TSC22D2: variants seen among roughly 807,000 people sequenced by gnomAD.
The protein encoded by TSC22D2 is TSC22 domain family protein 2.
In TSC22D2, 5 loss-of-function variants were observed where a neutral mutation model predicts 50.1. That is an observed-to-expected ratio of 0.10 (90% CI 0.05 to 0.21). The LOEUF (loss-of-function observed/expected upper bound fraction) is 0.21, where lower values mean the gene tolerates loss of function less well. TSC22D2 is among the 10% of genes least tolerant of loss of function. The pLI is 1.00. For synonymous variants in TSC22D2, 501 were observed against 450.1 expected (o/e 1.11, Z -1.43); for missense variants, 1,003 against 1,015.5 (o/e 0.99, Z 0.17).
chr3:150,447,671 C>G (rs1415351971), intron 1 of TSC22D2, among the ~76,000 whole-genome samples: 2 of 152,110 alleles, frequency 1.3e-5, no homozygotes, highest in African/African-American at 4.8e-5. Flanking sequence ...GAATAAAGCC[C>G]CAGGCATCCT....
In TSC22D2 at chr3:150,461,844, C is replaced by T. The variant is rs1721423816; in HGVS notation, c.*3208C>T. 1 of 98,926 alleles carries T rather than the reference C, an allele frequency of 1.0e-5. No individual in the cohort carries two copies. Among genetic ancestry groups the T allele is most frequent in the Admixed American group, 9.1e-5 (1 of 10,932 alleles). The allele number at this position is 98,926 out of a possible 1,614,324, so 6.1% of individuals were successfully genotyped here. ...GTTGCAAACTCCAGTAATTCATGGA[C>T]CTTTTTTTAAAAAAAAAAAAAGTCT... On this transcript the variant is annotated 3_prime_UTR_variant, in exon 3 of 3. Coordinates refer to ENST00000688009, the MANE Select transcript of TSC22D2 (RefSeq NM_001303264.2).
In TSC22D2 at chr3:150,459,774, A is replaced by AGAAC. The variant is rs1163242950; in HGVS notation, c.*1143_*1146dup. 1 of 151,598 alleles carries AGAAC rather than the reference A, an allele frequency of 6.6e-6. No individual in the cohort carries two copies. The highest frequency in any genetic ancestry group is 2.4e-5 in the African/African-American group (1 of 41,208). The allele number at this position is 151,598 out of a possible 1,614,324, so 9.4% of individuals were successfully genotyped here. A position where few individuals can be genotyped will look rare whatever the true frequency, so the allele number is the denominator to read the frequency against. On this transcript the variant is annotated 3_prime_UTR_variant, in exon 3 of 3. Transcript: ENST00000688009. Reference sequence around the variant, plus strand: ...GTCTGTGAACAATGTCAAATAAAAGAGAACGAACAGGTAGTTTGGTGGAGC... The same window carrying AGAAC: ...GTCTGTGAACAATGTCAAATAAAAGAGAACGAACGAACAGGTAGTTTGGTGGAGC...
chr3:150,410,345 C>G lies in TSC22D2; in HGVS notation c.995C>G (p.Ala332Gly). 6.3e-7 allele frequency: 1 copy of G among 1,592,018 alleles called. No individual in the cohort carries two copies. The highest frequency in any genetic ancestry group is 2.3e-5 in the East Asian group (1 of 44,154). The change falls in exon 1 of 3, where the codon GCG (alanine) becomes GGG (glycine). Residue 332 changes from alanine (A) to glycine (G), a missense_variant. This residue lies in a region of TSC22D2 where 696 missense variants were observed against 647.8 expected (regional missense o/e 1.07). Transcript: ENST00000688009. ...QTLPPTNVTL[A>G]QPAMSLPPQP... ...CTGCCGCCGACGAATGTAACCCTGG[C>G]GCAGCCGGCTATGTCCCTGCCTCCG...
intron 1 of TSC22D2, among the ~76,000 whole-genome samples, chr3:150,427,986 A>G (rs1720247476): frequency 6.6e-6 from 1 of 152,174 alleles, no homozygotes; most frequent in Non-Finnish European, 1.5e-5. Context: ...CATTGATAGA[A>G]TACTATTAAC....
chr3:150,417,017 G>T (rs1404330764), intron 1 of TSC22D2, among the ~76,000 whole-genome samples: 3 of 152,108 alleles, frequency 2.0e-5, no homozygotes, highest in Non-Finnish European at 4.4e-5. Context: ...GTTAGTGAAA[G>T]TTCTGCAGGT....
intron 1 of TSC22D2, among the ~76,000 whole-genome samples, chr3:150,451,990 A>G (rs1470089145): frequency 6.6e-6 from 1 of 152,094 alleles, no homozygotes; most frequent in Admixed American, 6.6e-5. Flanking sequence ...CTGAGTAACT[A>G]GGACCGTGGG....
At chr3:150,438,212 T>C in intron 1 of TSC22D2, 1 of 424,242 alleles carries the variant, frequency 2.4e-6, no homozygotes, top group East Asian at 7.1e-5. Flanking sequence ...TTTTTTAGAA[T>C]TCAGCATCGG....
At chr3:150,455,156 A>T (rs1193814764) in intron 1 of TSC22D2, among the ~76,000 whole-genome samples, 1 of 152,210 alleles carries the variant, frequency 6.6e-6, no homozygotes, top group Admixed American at 6.5e-5. Flanking sequence ...AGAAAGTATA[A>T]TCTGGGATTC....
At chr3:150,445,038 C>CT (rs933488534) in intron 1 of TSC22D2, among the ~76,000 whole-genome samples, 3 of 151,888 alleles carry the variant, frequency 2.0e-5, no homozygotes, top group African/African-American at 7.3e-5. Context: ...TTTAAATACT[C>CT]TTTTTGGAAA....
At chr3:150,450,549 G>C (rs6792734) in intron 1 of TSC22D2, among the ~76,000 whole-genome samples, 61,931 of 151,502 alleles carry the variant, frequency 0.41, 12,758 homozygotes, top group Middle Eastern at 0.54. Context: ...TGAGTTCTTA[G>C]TTTAATTTAT....
rs1042877561 is a variant in TSC22D2 at position 150,463,839 on chromosome 3, A to T, written c.*5203A>T. On this transcript the variant is annotated 3_prime_UTR_variant, in exon 3 of 3. Transcript: ENST00000688009. ...CTGGTATTTTGCACTGGCGCAGTCCATTTAGTTGTTGAATTTGTTCAGCAT... is the reference window on the plus strand; with the variant it reads ...CTGGTATTTTGCACTGGCGCAGTCCTTTTAGTTGTTGAATTTGTTCAGCAT... 6.6e-6 allele frequency: 1 copy of T among 152,180 alleles called. No homozygotes were observed. The highest frequency in any genetic ancestry group is 2.4e-5 in the African/African-American group (1 of 41,450). 9.4% of individuals were successfully genotyped at this position (152,180 alleles called of 1,614,324 possible).
chr3:150,450,592 T>C (rs922587734), intron 1 of TSC22D2, among the ~76,000 whole-genome samples: 24 of 152,150 alleles, frequency 1.6e-4, no homozygotes, highest in Non-Finnish European at 2.9e-4. Context: ...TTCTTAACCA[T>C]AGAGGTTTGC....
intron 1 of TSC22D2, among the ~76,000 whole-genome samples, chr3:150,451,775 T>C (rs1425598178): frequency 6.6e-6 from 1 of 152,210 alleles, no homozygotes; most frequent in Non-Finnish European, 1.5e-5. Context: ...TAGACAACCA[T>C]TAAGTGTTCT....
intron 1 of TSC22D2, chr3:150,423,013 T>C: frequency 6.4e-7 from 1 of 1,552,862 alleles, no homozygotes; most frequent in Non-Finnish European, 8.9e-7. Context: ...CTGTACGTTC[T>C]CAACCTCATT....
chr3:150,412,217 T>G (rs955464426), intron 1 of TSC22D2, among the ~76,000 whole-genome samples: 7 of 152,184 alleles, frequency 4.6e-5, no homozygotes, highest in Non-Finnish European at 8.8e-5. Flanking sequence ...ACATGTAAAT[T>G]TGACATACAT....
At position 150,410,668 on chromosome 3, in the gene TSC22D2, C is replaced by T. The variant is rs1417099599; in HGVS notation, c.1318C>T (p.Arg440Trp). Reference sequence around the variant, plus strand: ...CCAGCCCAGCGAAGCCATGGCCCCCCGGACGGGACCAGCGCAAGGCGGGCA... The same window carrying T: ...CCAGCCCAGCGAAGCCATGGCCCCCTGGACGGGACCAGCGCAAGGCGGGCA... ...SSQPSEAMAP[R>W]TGPAQGGQVA... is the part of the protein sequence containing the mutation. The change falls in exon 1 of 3, where the codon CGG becomes TGG. Residue 440 changes from arginine (R) to tryptophan (W), a missense_variant. Transcript: ENST00000688009. 6.4e-7 allele frequency: 1 copy of T among 1,555,952 alleles called. No homozygotes were observed. Among genetic ancestry groups the T allele is most frequent in the East Asian group, 2.4e-5 (1 of 41,504 alleles).
rs1285395276 is a variant in TSC22D2, at chr3:150,409,821, A to G, written c.471A>G (p.Thr157=). ...CAGCCCCATCTCAGCCTCCCACCAC[A>G]TGTAGTTCCCGTTTTCGCGTGATCA... ...VTAAPSQPPT[T]CSSRFRVIKL... Residue 157 remains threonine (T), a synonymous_variant, in exon 1 of 3, where the codon ACA becomes ACG. Transcript: ENST00000688009. This position sits in a 1 kb window ranked among gnomAD's most constrained non-coding sequence, Gnocchi z 7.4. 6.2e-7 allele frequency: 1 copy of G among 1,605,112 alleles called. No homozygotes were observed. Among genetic ancestry groups the G allele is most frequent in the African/African-American group, 1.3e-5 (1 of 74,910 alleles).
chr3:150,409,600 G>C lies in TSC22D2; in HGVS notation c.250G>C (p.Val84Leu). The change falls in exon 1 of 3, where the codon GTC becomes CTC. Residue 84 changes from valine to leucine, a missense_variant. Physicochemically the swap from Val to Leu is conservative, Grantham distance 32 (BLOSUM62 1). Coordinates refer to ENST00000688009, the MANE Select transcript of TSC22D2 (RefSeq NM_001303264.2). The surrounding 1 kb of genome is among the most constrained non-coding windows in gnomAD (Gnocchi z 7.4). ...NVGDAETPGT[V>L]SPNLLLDGQL... ...TGGGGATGCGGAGACTCCCGGGACC[G>C]TCTCCCCAAACCTCCTCCTAGATGG... The C allele has an allele frequency of 6.2e-7, 1 of 1,602,500 alleles. No homozygotes were observed. The highest frequency in any genetic ancestry group is 8.5e-7 in the Non-Finnish European group (1 of 1,171,708).
chr3:150,447,985 A>G (rs767328916), intron 1 of TSC22D2, among the ~76,000 whole-genome samples: 6 of 152,204 alleles, frequency 3.9e-5, no homozygotes, highest in Non-Finnish European at 8.8e-5. Context: ...AGTTGCTGCT[A>G]TGTAAACAGT....
Sources: gnomAD v4.1 joint callset for allele counts (sites outside exome capture counted in the v4.1 genomes callset) on GRCh38, gnomAD v4.1.1 for gene constraint, gnomAD v4.1.1 regional missense constraint, Gnocchi (gnomAD v3.1) non-coding constraint, MANE v1.5 for transcripts, NCBI Gene and HGNC (gene_info 2026-07-23, HGNC 2026-07-21) for gene names.